PI4K2B: variants seen among roughly 807,000 people sequenced by gnomAD.
The protein encoded by PI4K2B is phosphatidylinositol 4-kinase type 2-beta.
PI4K2B carries 46 observed loss-of-function variants against 56.6 expected under a neutral mutation model. That is an observed-to-expected ratio of 0.81 (90% CI 0.64 to 1.04). PI4K2B has a LOEUF of 1.04. Among genes scored for constraint, PI4K2B ranks in the 50% least tolerant of loss-of-function variants. The pLI is 0.00. For synonymous variants in PI4K2B, 211 were observed against 223.8 expected, an observed-to-expected ratio of 0.94 and a Z score of 0.51; for missense variants, 556 against 607.7, an observed-to-expected ratio of 0.91 and a Z score of 0.89.
chr4:25,269,801 C>G (rs1716808198), intron 9 of PI4K2B, among the ~76,000 whole-genome samples: 1 of 151,388 alleles, frequency 6.6e-6, no homozygotes, highest in South Asian at 2.1e-4. Flanking sequence ...GCAAGCTCCG[C>G]CTCCCAGGTT....
chr4:25,246,857 G>T (rs1052455484), intron 1 of PI4K2B, among the ~76,000 whole-genome samples: 1 of 152,222 alleles, frequency 6.6e-6, no homozygotes, highest in Non-Finnish European at 1.5e-5. Context: ...GCTGGCGCGG[G>T]TGCTAAGCCC....
Sources: gnomAD v4.1 joint callset for allele counts (sites outside exome capture counted in the v4.1 genomes callset) on GRCh38, gnomAD v4.1.1 for gene constraint, MANE v1.5 for transcripts, NCBI Gene and HGNC (gene_info 2026-07-23, HGNC 2026-07-21) for gene names.